GPR39: variants seen among roughly 807,000 people sequenced by gnomAD.
The protein encoded by GPR39 is zinc sensing receptor.
In GPR39, 23 loss-of-function variants were observed where a neutral mutation model predicts 18.4. The ratio of observed to expected loss-of-function variants is 1.25; its 90% CI spans 0.90 to 1.77. The LOEUF (loss-of-function observed/expected upper bound fraction) is 1.77, where lower values mean the gene tolerates loss of function less well. Ranked by LOEUF, GPR39 falls within the 40% of genes most tolerant of loss-of-function variation. GPR39 has a pLI of 0.00. For synonymous variants in GPR39, 280 were observed against 257.9 expected, an observed-to-expected ratio of 1.09 and a Z score of -0.82; for missense variants, 647 against 602.4, an observed-to-expected ratio of 1.07 and a Z score of -0.78.
intron 1 of GPR39, among the ~76,000 whole-genome samples, chr2:132,550,846 T>C (rs760938014): frequency 3.8e-4 from 58 of 152,348 alleles, no homozygotes; most frequent in South Asian, 8.3e-4. Context: ...ATAATGCTGA[T>C]TAAGCTGGGC....
chr2:132,540,329 CAG>C (rs1491428170), intron 1 of GPR39, among the ~76,000 whole-genome samples: 1 of 152,152 alleles, frequency 6.6e-6, no homozygotes, highest in East Asian at 1.9e-4. Flanking sequence ...GCTGCAGCAT[CAG>C]GGGAGGGGAG....
At chr2:132,447,659 G>A (rs759761914) in intron 1 of GPR39, among the ~76,000 whole-genome samples, 4 of 152,120 alleles carry the variant, frequency 2.6e-5, no homozygotes, top group Non-Finnish European at 5.9e-5. Context: ...CATTACAGGT[G>A]TTCCAAAAAT....
intron 1 of GPR39, among the ~76,000 whole-genome samples, chr2:132,526,031 C>T (rs1217620222): frequency 1.3e-5 from 2 of 152,138 alleles, no homozygotes; most frequent in Non-Finnish European, 2.9e-5. Flanking sequence ...TCTGTGATCC[C>T]AGACCCCAAA....
intron 1 of GPR39, among the ~76,000 whole-genome samples, chr2:132,448,225 C>T (rs1366806750): frequency 6.6e-6 from 1 of 152,086 alleles, no homozygotes; most frequent in East Asian, 1.9e-4. Context: ...ACAAGACTCT[C>T]CTGGCATACT....
chr2:132,569,858 T>C (rs1485575235), intron 1 of GPR39, among the ~76,000 whole-genome samples: 1 of 152,210 alleles, frequency 6.6e-6, no homozygotes, highest in Admixed American at 6.5e-5. Context: ...GGAGTTTACC[T>C]GCACAAGCCC....
At chr2:132,537,981 G>A (rs941995140) in intron 1 of GPR39, among the ~76,000 whole-genome samples, 1 of 151,866 alleles carries the variant, frequency 6.6e-6, no homozygotes, top group South Asian at 2.1e-4. Flanking sequence ...TCTTTGCATT[G>A]GGTTAGAACA....
intron 1 of GPR39, among the ~76,000 whole-genome samples, chr2:132,581,841 G>C (rs1680629159): frequency 6.6e-6 from 1 of 152,180 alleles, no homozygotes; most frequent in South Asian, 2.1e-4. Context: ...TTCAGGGCGA[G>C]TGATTCATTT....
chr2:132,580,295 G>A (rs1680600136), intron 1 of GPR39, among the ~76,000 whole-genome samples: 1 of 152,232 alleles, frequency 6.6e-6, no homozygotes, highest in South Asian at 2.1e-4. Flanking sequence ...ATGAGTTTGG[G>A]ATTGGCTTTA....
intron 1 of GPR39, among the ~76,000 whole-genome samples, chr2:132,577,221 G>T (rs141586557): frequency 6.6e-6 from 1 of 152,002 alleles, no homozygotes; most frequent in Non-Finnish European, 1.5e-5. Context: ...ACCAGGTGTC[G>T]TGGCACACAC....
chr2:132,519,171 C>T (rs571045389), intron 1 of GPR39, among the ~76,000 whole-genome samples: 74 of 152,156 alleles, frequency 4.9e-4, no homozygotes, highest in Non-Finnish European at 1.3e-4. Context: ...GGCTTATGGT[C>T]CCTGTCACCA....
At chr2:132,417,989 C>A in intron 1 of GPR39, 91 bp downstream of exon 1, 2 of 1,471,576 alleles carry the variant, frequency 1.4e-6, no homozygotes, top group South Asian at 1.3e-5. Flanking sequence ...CAGGGCAAGT[C>A]TTGCCCTAGA....
At position 132,417,555 on chromosome 2, in the gene GPR39, G is replaced by C. The variant is rs1402177412; in HGVS notation, c.513G>C (p.Leu171=). The C allele has an allele frequency of 3.7e-6, 6 of 1,614,042 alleles. No individual in the cohort carries two copies. Among genetic ancestry groups the C allele is most frequent in the South Asian group, 3.3e-5 (3 of 91,080 alleles). ...VTSALVALPL[L]FAMGTEYPLV... is the part of the protein sequence containing the mutation. Reference sequence around the variant, plus strand: ...CCGCCCTGGTGGCACTGCCCTTGCTGTTTGCCATGGGTACTGAGTACCCCC... The same window carrying C: ...CCGCCCTGGTGGCACTGCCCTTGCTCTTTGCCATGGGTACTGAGTACCCCC... The change falls in exon 1 of 2, where the codon CTG becomes CTC. Residue 171 remains leucine (L), a synonymous_variant. Transcript: ENST00000329321.
chr2:132,611,866 G>A (rs1451067905), intron 1 of GPR39, among the ~76,000 whole-genome samples: 2 of 152,146 alleles, frequency 1.3e-5, no homozygotes, highest in Admixed American at 6.5e-5. Flanking sequence ...TTCCTTAAAT[G>A]CAGTTAGTGA....
chr2:132,551,647 AC>A (rs1680046452), intron 1 of GPR39, among the ~76,000 whole-genome samples: 1 of 152,224 alleles, frequency 6.6e-6, no homozygotes, highest in Non-Finnish European at 1.5e-5. Flanking sequence ...GGATAACAAA[AC>A]AATTCCATTG....
chr2:132,493,505 CATATATAT>C (rs5834316), intron 1 of GPR39, among the ~76,000 whole-genome samples: 54 of 130,574 alleles, frequency 4.1e-4, no homozygotes, highest in African/African-American at 1.7e-3. Context: ...ATATATACAC[CATATATAT>C]ATATATATAT....
At chr2:132,421,962 A>C (rs1680018138) in intron 1 of GPR39, among the ~76,000 whole-genome samples, 1 of 152,336 alleles carries the variant, frequency 6.6e-6, no homozygotes, top group African/African-American at 2.4e-5. Context: ...ATTTGAAAAG[A>C]GGTCTCATTG....
intron 1 of GPR39, among the ~76,000 whole-genome samples, chr2:132,596,485 G>A (rs1168949377): frequency 6.6e-6 from 1 of 151,532 alleles, no homozygotes; most frequent in African/African-American, 2.4e-5. Flanking sequence ...CCCTGCCTTC[G>A]TCCCTTCCCC....
At chr2:132,420,980 A>C (rs7560980) in intron 1 of GPR39, among the ~76,000 whole-genome samples, 33,166 of 152,132 alleles carry the variant, frequency 0.22, 3,798 homozygotes, top group African/African-American at 0.27. Flanking sequence ...GCCCAGTGAC[A>C]AATCAGTACT....
At chr2:132,581,971 C>T (rs1680630829) in intron 1 of GPR39, among the ~76,000 whole-genome samples, 1 of 152,118 alleles carries the variant, frequency 6.6e-6, no homozygotes, top group Non-Finnish European at 1.5e-5. Context: ...CAAACTAGTT[C>T]AGGCAGATGG....
Sources: allele counts gnomAD v4.1 joint callset (sites outside exome capture counted in the v4.1 genomes callset), GRCh38; gene constraint gnomAD v4.1.1; transcripts MANE v1.5; gene names NCBI Gene and HGNC (gene_info 2026-07-23, HGNC 2026-07-21).